FBXL14: variants seen among roughly 807,000 people sequenced by gnomAD.
FBXL14 encodes the protein F-box/LRR-repeat protein 14.
In FBXL14, 11 loss-of-function variants were observed where a neutral mutation model predicts 24.5. The ratio of observed to expected loss-of-function variants is 0.45; its 90% CI spans 0.28 to 0.74. The LOEUF (loss-of-function observed/expected upper bound fraction) is 0.74, where lower values mean the gene tolerates loss of function less well. Ranked by LOEUF, FBXL14 falls within the 30% of genes least tolerant of loss-of-function variation. The pLI is 0.12. For synonymous variants in FBXL14, 294 were observed against 240.4 expected (o/e 1.22, Z -2.06); for missense variants, 384 against 545.6 (o/e 0.70, Z 2.95).
Position 1,566,768 on chromosome 12 carries a change from G to A in FBXL14, c.1237C>T (p.Arg413Trp), listed in dbSNP as rs558133197. ...DFSPLFTVRT[R>W]GSSRR ...CTCCCTCACCTTCTGGAGCTTCCCC[G>A]AGTTCTCACAGTGAATAATGGAGAA... is the stretch of plus-strand genomic sequence containing the variant. The change falls in exon 2 of 2, where the codon CGG (arginine) becomes TGG (tryptophan). Residue 413 changes from arginine to tryptophan, a missense_variant. Transcript: ENST00000339235. 3.8e-5 allele frequency: 30 copies of A among 780,914 alleles called. No individual in the cohort carries two copies. The highest frequency in any genetic ancestry group is 3.2e-4 in the South Asian group (24 of 74,592). 48.4% of individuals were successfully genotyped at this position (780,914 alleles called of 1,614,324 possible). A position where few individuals can be genotyped will look rare whatever the true frequency, so the allele number is the denominator to read the frequency against.
Position 1,593,945 on chromosome 12 carries a change from T to C in FBXL14, c.122A>G (p.His41Arg). Residue 41 changes from histidine to arginine, a missense_variant, in exon 1 of 2, where the codon CAC (histidine) becomes CGC (arginine). Transcript: ENST00000339235. This position sits in a 1 kb window ranked among gnomAD's most constrained non-coding sequence, Gnocchi z 7.4. ...CTCCACCCCCCGCCACACCGACTTG[T>C]GGTAGGCGGCGTCCCGCCAGGCGGT... is the stretch of plus-strand genomic sequence containing the variant. ...VCTAWRDAAY[H>R]KSVWRGVEAK... 1 of 1,592,312 alleles carries C rather than the reference T, an allele frequency of 6.3e-7. No individual in the cohort carries two copies. Among genetic ancestry groups the C allele is most frequent in the Middle Eastern group, 1.7e-4 (1 of 6,040 alleles).
At chr12:1,576,281 C>T (rs777126953) in intron 1 of FBXL14, among the ~76,000 whole-genome samples, 30 of 152,082 alleles carry the variant, frequency 2.0e-4, no homozygotes, top group Non-Finnish European at 2.8e-4. Context: ...TGGCAGTGCC[C>T]GTGGTGGGGT....
chr12:1,573,210 C>T (rs1471998722), intron 1 of FBXL14, among the ~76,000 whole-genome samples: 5 of 152,104 alleles, frequency 3.3e-5, no homozygotes, highest in Admixed American at 2.0e-4. Flanking sequence ...GAGTGCAAGG[C>T]GCTGTGCTAG....
chr12:1,572,941 G>C (rs2154437762), intron 1 of FBXL14, among the ~76,000 whole-genome samples: 1 of 152,306 alleles, frequency 6.6e-6, no homozygotes, highest in East Asian at 1.9e-4. Flanking sequence ...GATGTAATAA[G>C]AGAGAGAAGA....
chr12:1,586,385 T>C (rs895190309), intron 1 of FBXL14, among the ~76,000 whole-genome samples: 1 of 152,100 alleles, frequency 6.6e-6, no homozygotes, highest in Non-Finnish European at 1.5e-5. Flanking sequence ...ATAATAATTT[T>C]TTTAAGAGAT....
intron 1 of FBXL14, among the ~76,000 whole-genome samples, chr12:1,580,254 GC>G (rs1369177449): frequency 6.6e-6 from 1 of 152,222 alleles, no homozygotes; most frequent in Non-Finnish European, 1.5e-5. Context: ...AGCGAACGCT[GC>G]CCTCTGAATA....
chr12:1,580,402 T>C (rs1479957452), intron 1 of FBXL14, among the ~76,000 whole-genome samples: 1 of 152,194 alleles, frequency 6.6e-6, no homozygotes, highest in Non-Finnish European at 1.5e-5. Flanking sequence ...CTACATCTTT[T>C]TGAAGCAATA....
chr12:1,594,075 T>C lies in FBXL14; in HGVS notation c.-9A>G, dbSNP rs959153009. On this transcript the variant is annotated 5_prime_UTR_variant, in exon 1 of 2. Transcript: ENST00000339235. ...GAGATGTGGGTCTCCATCTTCCTCC[T>C]CCCCCCTCCGCGGCGCTGGGGGGAG... The C allele has an allele frequency of 2.1e-6, 3 of 1,422,814 alleles. No individual in the cohort carries two copies. Among genetic ancestry groups the C allele is most frequent in the South Asian group, 1.5e-5 (1 of 65,608 alleles). 88.1% of individuals were successfully genotyped at this position (1,422,814 alleles called of 1,614,324 possible). A position where few individuals can be genotyped will look rare whatever the true frequency, so the allele number is the denominator to read the frequency against.
chr12:1,586,863 T>C (rs1353349611), intron 1 of FBXL14, among the ~76,000 whole-genome samples: 5 of 152,224 alleles, frequency 3.3e-5, no homozygotes, highest in East Asian at 1.9e-4. Context: ...TTCTTTGTAA[T>C]TGAGACTCAT....
In FBXL14 at chr12:1,567,925, C is replaced by G. The variant is rs1447199075; in HGVS notation, c.1195-1115G>C. ...TGCGCACACACACAGAACAGAATATCCAAGAACTGTGGGACATCTACAAAA... is the reference window on the plus strand; with the variant it reads ...TGCGCACACACACAGAACAGAATATGCAAGAACTGTGGGACATCTACAAAA... On this transcript the variant is annotated intron_variant, in intron 1 of 1. Coordinates refer to ENST00000339235, the MANE Select transcript of FBXL14 (RefSeq NM_152441.3). The surrounding 1 kb of genome is among the most constrained non-coding windows in gnomAD (Gnocchi z 4.8). Among the ~76,000 whole-genome samples, 1 of 152,190 alleles carries G rather than the reference C, an allele frequency of 6.6e-6. No homozygotes were observed. The highest frequency in any genetic ancestry group is 1.9e-4 in the East Asian group (1 of 5,198).
rs1023841086 is a variant in FBXL14 at position 1,594,004 on chromosome 12, G to A, written c.63C>T (p.Asp21=). 7.6e-6 allele frequency: 12 copies of A among 1,580,154 alleles called. No individual in the cohort carries two copies. The highest frequency in any genetic ancestry group is 9.4e-6 in the Non-Finnish European group (11 of 1,171,252). The part of the protein sequence containing the change: ...ELLAMIFGYL[D]VRDKGRAAQV... Reference sequence around the variant, plus strand: ...GCGCCGCGCGCCCCTTGTCCCGGACGTCCAGGTAGCCGAAGATCATGGCCA... The same window carrying A: ...GCGCCGCGCGCCCCTTGTCCCGGACATCCAGGTAGCCGAAGATCATGGCCA... The change falls in exon 1 of 2, where the codon GAC becomes GAT. Residue 21 remains aspartate (D), a synonymous_variant. Transcript: ENST00000339235.
intron 1 of FBXL14, among the ~76,000 whole-genome samples, chr12:1,577,655 A>G (rs1044101279): frequency 2.0e-5 from 3 of 152,182 alleles, no homozygotes; most frequent in African/African-American, 4.8e-5. Flanking sequence ...GAGGACGTTG[A>G]GGGCAGGGCA....
At chr12:1,590,931 C>T (rs898827906) in intron 1 of FBXL14, among the ~76,000 whole-genome samples, 62 of 152,188 alleles carry the variant, frequency 4.1e-4, no homozygotes, top group Non-Finnish European at 1.3e-4. Flanking sequence ...CACACCCACT[C>T]TCAGGGTAAA....
chr12:1,593,107 A>G lies in FBXL14; in HGVS notation c.960T>C (p.Asp320=), dbSNP rs137977169. The G allele has an allele frequency of 2.0e-4, 327 of 1,613,614 alleles. No homozygotes were observed. In the African/African-American group the frequency reaches 3.3e-3, roughly 16 times the overall value. ...TCTGCCGCACCATGCGGTTGATGCC[A>G]TCATCACTGATGTGGCAGGAGCAGA... is the stretch of plus-strand genomic sequence containing the variant. The part of the protein sequence containing the change: ...LSLCSCHISD[D]GINRMVRQMH... Residue 320 remains aspartate, a synonymous_variant, in exon 1 of 2, where the codon GAT becomes GAC. Transcript: ENST00000339235. This position sits in a 1 kb window ranked among gnomAD's most constrained non-coding sequence, Gnocchi z 7.4.
intron 1 of FBXL14, among the ~76,000 whole-genome samples, chr12:1,572,273 A>C (rs1348877113): frequency 6.6e-6 from 1 of 152,262 alleles, no homozygotes; most frequent in Non-Finnish European, 1.5e-5. Context: ...AACAAACTGC[A>C]CTCAAAGTGC....
In FBXL14 at chr12:1,594,371, C is replaced by A. The variant is rs1009149052; in HGVS notation, c.-305G>T. Among the ~76,000 whole-genome samples, 1 of 145,940 alleles carries A rather than the reference C, an allele frequency of 6.9e-6. No individual in the cohort carries two copies. The highest frequency in any genetic ancestry group is 1.5e-5 in the Non-Finnish European group (1 of 65,674). ...CTCGCTCTCGCTCCCGGAGGCCGGCCGCCGCCGCCGCCTCGGCTCTACCCA... is the reference window on the plus strand; with the variant it reads ...CTCGCTCTCGCTCCCGGAGGCCGGCAGCCGCCGCCGCCTCGGCTCTACCCA... On this transcript the variant is annotated 5_prime_UTR_variant, in exon 1 of 2. Transcript: ENST00000339235.
chr12:1,572,845 G>A (rs1018463767), intron 1 of FBXL14, among the ~76,000 whole-genome samples: 61 of 82,632 alleles, frequency 7.4e-4, no homozygotes, highest in African/African-American at 3.9e-3. Context: ...TAGGGCAGTG[G>A]CGGTGGAGGG....
chr12:1,566,819 G>T lies in FBXL14; in HGVS notation c.1195-9C>A. On this transcript the variant is annotated splice_polypyrimidine_tract_variant and intron_variant, in intron 1 of 1. Coordinates refer to ENST00000339235, the MANE Select transcript of FBXL14 (RefSeq NM_152441.3). The stretch of plus-strand genomic sequence containing the variant: ...AAATCCCCTCGTGCCTCCTGCAGTG[G>T]GAAGAAGAAAAAGGACCATTTTGAA... 1 of 780,736 alleles carries T rather than the reference G, an allele frequency of 1.3e-6. No homozygotes were observed. The highest frequency in any genetic ancestry group is 2.4e-6 in the Non-Finnish European group (1 of 418,012). The allele number at this position is 780,736 out of a possible 1,614,324, so 48.4% of individuals were successfully genotyped here.
intron 1 of FBXL14, among the ~76,000 whole-genome samples, chr12:1,574,362 G>A (rs1428054567): frequency 6.6e-6 from 1 of 152,184 alleles, no homozygotes; most frequent in Non-Finnish European, 1.5e-5. Flanking sequence ...GGGGTGAGAG[G>A]AGGCTGGTGG....
Sources: gnomAD v4.1 joint callset for allele counts (sites outside exome capture counted in the v4.1 genomes callset) on GRCh38, gnomAD v4.1.1 for gene constraint, Gnocchi (gnomAD v3.1) non-coding constraint, MANE v1.5 for transcripts, NCBI Gene and HGNC (gene_info 2026-07-23, HGNC 2026-07-21) for gene names.